RHBDD1: variants seen among roughly 807,000 people sequenced by gnomAD.
RHBDD1 encodes the protein rhomboid-related protein 4.
In RHBDD1, 38 loss-of-function variants were observed where a neutral mutation model predicts 36.3. The ratio of observed to expected loss-of-function variants is 1.05; its 90% CI spans 0.81 to 1.37. The LOEUF (loss-of-function observed/expected upper bound fraction) is 1.37, where lower values mean the gene tolerates loss of function less well. Among genes scored for constraint, RHBDD1 ranks in the 40% most tolerant of loss-of-function variants. The probability of loss-of-function intolerance (pLI) is 0.00; values close to 1 mark genes in which losing one functional copy is unlikely to be tolerated. For synonymous variants in RHBDD1, 151 were observed against 136.5 expected, an observed-to-expected ratio of 1.11 and a Z score of -0.74; for missense variants, 393 against 377.6, an observed-to-expected ratio of 1.04 and a Z score of -0.34.
chr2:226,828,937 C>T, the RHBDD1 span, among the ~76,000 whole-genome samples: 3 of 151,800 alleles, frequency 2.0e-5, no homozygotes, highest in African/African-American at 4.8e-5. Context: ...GTGGATTGTA[C>T]TTTTCCTGTC....
At chr2:226,954,729 G>A (rs1236344329) in intron 8 of RHBDD1, among the ~76,000 whole-genome samples, 1 of 152,038 alleles carries the variant, frequency 6.6e-6, no homozygotes, top group Non-Finnish European at 1.5e-5. Flanking sequence ...AAATAAATCG[G>A]TATGGTTGAA....
At chr2:226,971,387 C>G (rs1392827522) in intron 8 of RHBDD1, among the ~76,000 whole-genome samples, 1 of 152,338 alleles carries the variant, frequency 6.6e-6, no homozygotes, top group Admixed American at 6.5e-5. Context: ...TTCCTTTGCA[C>G]TGTCATCACA....
chr2:226,923,509 C>T (rs1949468325), intron 8 of RHBDD1, among the ~76,000 whole-genome samples: 1 of 152,010 alleles, frequency 6.6e-6, no homozygotes, highest in Non-Finnish European at 1.5e-5. Context: ...TTATTTGGGT[C>T]AAATCTGTTT....
At chr2:226,827,415 A>C in the RHBDD1 span, among the ~76,000 whole-genome samples, 1 of 152,232 alleles carries the variant, frequency 6.6e-6, no homozygotes, top group Non-Finnish European at 1.5e-5. Flanking sequence ...ATTGCACATG[A>C]TGGCATACTT....
chr2:226,901,159 G>A (rs1947551822), intron 5 of RHBDD1, among the ~76,000 whole-genome samples: 1 of 152,136 alleles, frequency 6.6e-6, no homozygotes, highest in Non-Finnish European at 1.5e-5. Context: ...TTAGGAAAAT[G>A]CCATCTAGAT....
chr2:226,953,693 G>T (rs1275116919), intron 8 of RHBDD1, among the ~76,000 whole-genome samples: 2 of 152,208 alleles, frequency 1.3e-5, no homozygotes, highest in South Asian at 4.1e-4. Context: ...TACCTTAAAG[G>T]ATTGTCAGTA....
At chr2:226,903,357 C>T (rs1209757579) in intron 5 of RHBDD1, among the ~76,000 whole-genome samples, 1 of 152,208 alleles carries the variant, frequency 6.6e-6, no homozygotes, top group Non-Finnish European at 1.5e-5. Context: ...CACCCCGTCT[C>T]ACCCAGGACG....
intron 5 of RHBDD1, among the ~76,000 whole-genome samples, chr2:226,901,942 AGTTAC>A (rs1475872120): frequency 6.6e-6 from 1 of 152,164 alleles, no homozygotes; most frequent in Non-Finnish European, 1.5e-5. Flanking sequence ...CTCATCTGAT[AGTTAC>A]GTACTGAGTG....
intron 8 of RHBDD1, among the ~76,000 whole-genome samples, chr2:226,958,964 G>A (rs1271545400): frequency 1.3e-5 from 2 of 152,096 alleles, no homozygotes; most frequent in East Asian, 1.9e-4. Flanking sequence ...TGGTTAGCGC[G>A]ATAAACCTCA....
the RHBDD1 span, among the ~76,000 whole-genome samples, chr2:226,814,737 A>G: frequency 0.017 from 2,663 of 152,334 alleles, 67 homozygotes; most frequent in African/African-American, 0.061. Flanking sequence ...TGGGATTTTA[A>G]TCCTGAGCAA....
At chr2:226,852,692 G>A (rs114171852) in intron 3 of RHBDD1, among the ~76,000 whole-genome samples, 460 of 152,128 alleles carry the variant, frequency 3.0e-3, no homozygotes, top group African/African-American at 0.011. Context: ...TAAGACAATT[G>A]CCAGAAACAA....
intron 3 of RHBDD1, among the ~76,000 whole-genome samples, chr2:226,863,550 TCAC>T (rs1944047781): frequency 6.6e-6 from 1 of 152,226 alleles, no homozygotes; most frequent in Admixed American, 6.5e-5. Context: ...TCAGCGAGAC[TCAC>T]TTGTATACCT....
chr2:226,960,634 A>C (rs912440649), intron 8 of RHBDD1, among the ~76,000 whole-genome samples: 1 of 152,240 alleles, frequency 6.6e-6, no homozygotes, highest in East Asian at 1.9e-4. Flanking sequence ...GGGGTTATCA[A>C]CTTATTTTAT....
At chr2:226,874,226 G>A (rs1945029874) in intron 5 of RHBDD1, among the ~76,000 whole-genome samples, 1 of 152,144 alleles carries the variant, frequency 6.6e-6, no homozygotes, top group Non-Finnish European at 1.5e-5. Flanking sequence ...ATCATATCAG[G>A]AAGATTATCT....
chr2:226,977,044 CAAGT>C (rs1407998656), intron 8 of RHBDD1, among the ~76,000 whole-genome samples: 1 of 152,174 alleles, frequency 6.6e-6, no homozygotes, highest in Non-Finnish European at 1.5e-5. Flanking sequence ...GCTGGCCTCA[CAAGT>C]GAGACTCAGA....
At chr2:226,907,969 G>A (rs560346440) in intron 6 of RHBDD1, among the ~76,000 whole-genome samples, 1 of 151,956 alleles carries the variant, frequency 6.6e-6, no homozygotes, top group Admixed American at 6.6e-5. Flanking sequence ...ATGATGAAGC[G>A]GTTAGTAAAG....
At chr2:226,861,703 A>G (rs1943869112) in intron 3 of RHBDD1, among the ~76,000 whole-genome samples, 1 of 152,238 alleles carries the variant, frequency 6.6e-6, no homozygotes, top group African/African-American at 2.4e-5. Context: ...TGTTTGATAT[A>G]TGTAACATAA....
chr2:226,823,653 C>T, the RHBDD1 span, among the ~76,000 whole-genome samples: 1 of 152,070 alleles, frequency 6.6e-6, no homozygotes, highest in African/African-American at 2.4e-5. Flanking sequence ...GATAGATACA[C>T]CTATCTTAGT....
intron 8 of RHBDD1, among the ~76,000 whole-genome samples, chr2:226,955,494 C>A (rs928960122): frequency 6.6e-6 from 1 of 152,222 alleles, no homozygotes; most frequent in Non-Finnish European, 1.5e-5. Context: ...GAGAATGGGA[C>A]CACAAAGTCA....
Sources: gnomAD v4.1 joint callset for allele counts (sites outside exome capture counted in the v4.1 genomes callset) on GRCh38, gnomAD v4.1.1 for gene constraint, MANE v1.5 for transcripts, NCBI Gene and HGNC (gene_info 2026-07-23, HGNC 2026-07-21) for gene names.